MPDZ: variants seen among roughly 807,000 people sequenced by gnomAD.
MPDZ encodes the protein multiple PDZ domain protein.
A neutral mutation model predicts 239.1 loss-of-function variants in MPDZ; 234 were observed. The observed-to-expected ratio is 0.98, with a 90% CI of 0.88 to 1.09. The LOEUF (loss-of-function observed/expected upper bound fraction) is 1.09, where lower values mean the gene tolerates loss of function less well. Among genes scored for constraint, MPDZ ranks in the 50% least tolerant of loss-of-function variants. The probability of loss-of-function intolerance (pLI) is 0.00; values close to 1 mark genes in which losing one functional copy is unlikely to be tolerated. For missense variants in MPDZ, 3,175 were observed against 2,510.0 expected (o/e 1.26, Z -5.66); for synonymous variants, 1,048 against 881.3 (o/e 1.19, Z -3.35).
At chr9:13,268,500 ACTAT>A (rs1167256612) in intron 1 of MPDZ, among the ~76,000 whole-genome samples, 1 of 152,188 alleles carries the variant, frequency 6.6e-6, no homozygotes, top group East Asian at 1.9e-4. Flanking sequence ...AATGAGGATA[ACTAT>A]CTAACTTCTG....
chr9:13,193,224 T>C lies in MPDZ; in HGVS notation c.1746A>G (p.Leu582=), dbSNP rs1480148575. 3.7e-6 allele frequency: 6 copies of C among 1,611,662 alleles called. No individual in the cohort carries two copies. Among genetic ancestry groups the C allele is most frequent in the Non-Finnish European group, 5.1e-6 (6 of 1,178,528 alleles). The stretch of plus-strand genomic sequence containing the variant: ...CGCTGTGTCCAACAGGACCCTCTGG[T>C]AGAACAGATCGGATAAAATGATGTC... The part of the protein sequence containing the change: ...TVGHHFIRSV[L]PEGPVGHSGK... The change falls in exon 14 of 47, where the codon CTA becomes CTG. Residue 582 remains leucine (L), a synonymous_variant. Coordinates refer to ENST00000319217, the MANE Select transcript of MPDZ (RefSeq NM_001378778.1).
intron 6 of MPDZ, among the ~76,000 whole-genome samples, 182 bp from the exon 7 acceptor site, chr9:13,221,682 T>A (rs1006420745): frequency 1.3e-5 from 2 of 152,058 alleles, no homozygotes; most frequent in East Asian, 3.9e-4. Context: ...GTAAGTGCCA[T>A]TGACAGAATC....
chr9:13,147,432 C>A (rs1015164788), intron 26 of MPDZ, 116 bp downstream of exon 26: 1 of 730,764 alleles, frequency 1.4e-6, no homozygotes, highest in East Asian at 2.6e-5. Flanking sequence ...TAACAAGTCT[C>A]CTGAGATTTG....
In MPDZ at chr9:13,150,512, T is replaced by C. The variant is rs1949019055; in HGVS notation, c.3629A>G (p.Glu1210Gly). 2 of 1,551,998 alleles carry C rather than the reference T, an allele frequency of 1.3e-6. No homozygotes were observed. The highest frequency in any genetic ancestry group is 1.4e-5 in the African/African-American group (1 of 72,460). The change falls in exon 25 of 47, where the codon GAG (glutamate) becomes GGG (glycine). Residue 1210 changes from glutamate to glycine, a missense_variant and splice_region_variant. Physicochemically the swap from Glu to Gly is moderately conservative, Grantham distance 98 (BLOSUM62 -2). Transcript: ENST00000319217. ...CACAGAAAGCTCACTAGAGGGTACC[T>C]CTACGATTCTATCTCCAGGTTTCAA... is the stretch of plus-strand genomic sequence containing the variant. ...GTLKPGDRIV[E>G]VDGMDLRDAS... is the part of the protein sequence containing the mutation.
intron 1 of MPDZ, 137 bp downstream of exon 1, chr9:13,279,263 A>ACCCCCACCACCACCCCCG (rs1975053024): frequency 2.9e-5 from 1 of 34,422 alleles, no homozygotes; most frequent in African/African-American, 1.1e-4. Flanking sequence ...CCCCACCCCC[A>ACCCCCACCACCACCCCCG]CCCCCACCCC....
chr9:13,201,353 AT>A (rs71331529), intron 12 of MPDZ, among the ~76,000 whole-genome samples: 14,795 of 146,296 alleles, frequency 0.1, 923 homozygotes, highest in Non-Finnish European at 0.14. Flanking sequence ...TGCTTTCAGT[AT>A]TTTTTTTTTT....
At chr9:13,219,061 A>G (rs1392555330) in intron 8 of MPDZ, among the ~76,000 whole-genome samples, 2 of 151,958 alleles carry the variant, frequency 1.3e-5, no homozygotes, top group Non-Finnish European at 2.9e-5. Flanking sequence ...CATACTTTAA[A>G]ACAATAACAC....
intron 8 of MPDZ, among the ~76,000 whole-genome samples, chr9:13,218,086 A>G (rs1958598295): frequency 1.3e-5 from 2 of 152,006 alleles, no homozygotes; most frequent in African/African-American, 2.4e-5. Context: ...ATAGATTCTA[A>G]TGGACAGTCA....
At chr9:13,214,482 T>C (rs1958029676) in intron 10 of MPDZ, among the ~76,000 whole-genome samples, 1 of 151,984 alleles carries the variant, frequency 6.6e-6, no homozygotes, top group South Asian at 2.1e-4. Context: ...AAAAATGTTC[T>C]AGAATTCACC....
intron 25 of MPDZ, among the ~76,000 whole-genome samples, chr9:13,148,997 T>A (rs1236129268): frequency 3.3e-5 from 5 of 150,950 alleles, no homozygotes; most frequent in African/African-American, 1.2e-4. Context: ...AAAAAAAAAA[T>A]CTCTTTTGCT....
At chr9:13,277,677 G>A (rs1974548312) in intron 1 of MPDZ, among the ~76,000 whole-genome samples, 1 of 152,070 alleles carries the variant, frequency 6.6e-6, no homozygotes, top group Non-Finnish European at 1.5e-5. Context: ...CGATTCTCCT[G>A]CCCCAGCCTC....
At chr9:13,189,048 C>G in intron 16 of MPDZ, 55 bp from the exon 17 acceptor site, 1 of 1,498,158 alleles carries the variant, frequency 6.7e-7, no homozygotes, top group Non-Finnish European at 9.1e-7. Context: ...AATTCTTCTA[C>G]AGGTCGTCCA....
chr9:13,157,632 A>AACAC (rs60566356), intron 24 of MPDZ, among the ~76,000 whole-genome samples: 49 of 149,680 alleles, frequency 3.3e-4, no homozygotes, highest in Admixed American at 6.7e-4. Flanking sequence ...TTTACACACA[A>AACAC]ACACACACAC....
chr9:13,116,302 TG>T (rs1189336647), intron 39 of MPDZ, among the ~76,000 whole-genome samples: 1 of 152,224 alleles, frequency 6.6e-6, no homozygotes, highest in Non-Finnish European at 1.5e-5. Flanking sequence ...CTGTAATGGA[TG>T]TTTAACCTTA....
At chr9:13,201,447 G>C (rs1956380758) in intron 12 of MPDZ, among the ~76,000 whole-genome samples, 1 of 151,910 alleles carries the variant, frequency 6.6e-6, no homozygotes, top group East Asian at 1.9e-4. Flanking sequence ...CCTGTAGCTG[G>C]ATGGTGTTGT....
At chr9:13,271,012 T>C (rs966662845) in intron 1 of MPDZ, among the ~76,000 whole-genome samples, 5 of 152,190 alleles carry the variant, frequency 3.3e-5, no homozygotes, top group African/African-American at 4.8e-5. Flanking sequence ...TTGGGTTCAA[T>C]ACTGAAACTA....
chr9:13,202,183 A>G (rs1252179241), intron 12 of MPDZ, among the ~76,000 whole-genome samples: 1 of 152,128 alleles, frequency 6.6e-6, no homozygotes, highest in African/African-American at 2.4e-5. Flanking sequence ...GAGGATTTAC[A>G]TGAGTACTGG....
intron 10 of MPDZ, among the ~76,000 whole-genome samples, chr9:13,212,600 C>G (rs886950843): frequency 6.6e-6 from 1 of 151,472 alleles, no homozygotes; most frequent in Non-Finnish European, 1.5e-5. Context: ...CAGTTCAGAA[C>G]CCATGGTACC....
chr9:13,240,109 A>G (rs1965014617), intron 3 of MPDZ, among the ~76,000 whole-genome samples: 1 of 152,132 alleles, frequency 6.6e-6, no homozygotes, highest in South Asian at 2.1e-4. Flanking sequence ...GAAAATTTAA[A>G]CAAACAACAT....
Sources: gnomAD v4.1 joint callset for allele counts (sites outside exome capture counted in the v4.1 genomes callset) on GRCh38, gnomAD v4.1.1 for gene constraint, MANE v1.5 for transcripts, NCBI Gene and HGNC (gene_info 2026-07-23, HGNC 2026-07-21) for gene names.